The following GNG12 variants were observed in gnomAD, a reference collection of about 807,000 sequenced individuals.
GNG12 encodes the protein G protein subunit gamma 12, also known as guanine nucleotide-binding protein G(I)/G(S)/G(O) subunit gamma-12.
For missense variants in GNG12, 69 were observed against 83.8 expected, an observed-to-expected ratio of 0.82 and a Z score of 0.69; for synonymous variants, 28 against 29.7, an observed-to-expected ratio of 0.94 and a Z score of 0.19.
chr1:67,801,345 A>G (rs1646864460), intron 1 of GNG12, among the ~76,000 whole-genome samples: 1 of 152,344 alleles, frequency 6.6e-6, no homozygotes, highest in African/African-American at 2.4e-5. Context: ...TGAATATATG[A>G]ATGAGGCTCA....
Position 67,804,727 on chromosome 1 carries a change from G to A in GNG12, c.-76-27220C>T, listed in dbSNP as rs140191342. Among the ~76,000 whole-genome samples the A allele has an allele frequency of 4.2e-3, 639 of 151,972 alleles. 8 individuals carry two copies. The highest frequency in any genetic ancestry group is 0.015 in the African/African-American group (608 of 41,446). On this transcript the variant is annotated intron_variant, in intron 1 of 3. Coordinates refer to ENST00000370982, the MANE Select transcript of GNG12 (RefSeq NM_018841.6). ...TAGAAACCTTCAAGCAGAAGCCTGC[G>A]TAGGAACCAGCACCAAGATGGAAAA...
intron 2 of GNG12, among the ~76,000 whole-genome samples, chr1:67,717,377 G>A (rs140469514): frequency 1.0e-3 from 155 of 152,170 alleles, no homozygotes; most frequent in East Asian, 1.9e-3. Flanking sequence ...TCAGCCGGGC[G>A]TGGTGGTGCA....
chr1:67,805,426 C>T (rs143877640), intron 1 of GNG12, among the ~76,000 whole-genome samples: 13 of 152,166 alleles, frequency 8.5e-5, no homozygotes, highest in Middle Eastern at 3.4e-3. Context: ...AAGCTAAGGG[C>T]TTTAATGGAA....
intron 1 of GNG12, among the ~76,000 whole-genome samples, chr1:67,801,782 T>C (rs1646867099): frequency 6.6e-6 from 1 of 152,176 alleles, no homozygotes; most frequent in Non-Finnish European, 1.5e-5. Flanking sequence ...TTACGTTCCG[T>C]ATCTGCAGAA....
At chr1:67,821,258 T>G (rs9633418) in intron 1 of GNG12, among the ~76,000 whole-genome samples, 50,687 of 151,974 alleles carry the variant, frequency 0.33, 8,702 homozygotes, top group Middle Eastern at 0.48. Flanking sequence ...ACCCTATAGG[T>G]GGGCCCGATC....
At chr1:67,794,803 A>G (rs1646820455) in intron 1 of GNG12, among the ~76,000 whole-genome samples, 1 of 152,222 alleles carries the variant, frequency 6.6e-6, no homozygotes, top group Non-Finnish European at 1.5e-5. Context: ...TATTTATATC[A>G]TTTAGCACAG....
intron 2 of GNG12, among the ~76,000 whole-genome samples, chr1:67,771,106 G>A (rs79239954): frequency 2.0e-5 from 3 of 152,216 alleles, no homozygotes; most frequent in African/African-American, 7.2e-5. Context: ...GCCTGATCAA[G>A]TTATTATCAG....
At chr1:67,782,791 T>C (rs537531522) in intron 1 of GNG12, among the ~76,000 whole-genome samples, 35 of 152,290 alleles carry the variant, frequency 2.3e-4, no homozygotes, top group African/African-American at 8.4e-4. Context: ...GAAAGGACAA[T>C]GGCAGTTTTA....
intron 2 of GNG12, among the ~76,000 whole-genome samples, chr1:67,772,292 C>A (rs1377961054): frequency 6.6e-6 from 1 of 152,204 alleles, no homozygotes; most frequent in Non-Finnish European, 1.5e-5. Context: ...GGTCCTCAGG[C>A]CAAGAGCTGC....
At chr1:67,763,924 C>T (rs963381967) in intron 2 of GNG12, among the ~76,000 whole-genome samples, 1 of 152,178 alleles carries the variant, frequency 6.6e-6, no homozygotes, top group Non-Finnish European at 1.5e-5. Flanking sequence ...CCATGTCAGG[C>T]TAACAAGCCT....
At chr1:67,830,876 C>A (rs1647040084) in intron 1 of GNG12, among the ~76,000 whole-genome samples, 1 of 152,294 alleles carries the variant, frequency 6.6e-6, no homozygotes, top group African/African-American at 2.4e-5. Flanking sequence ...CAGTAGCCTG[C>A]TGCTTGAACA....
chr1:67,770,578 AGT>A (rs1374283308), intron 2 of GNG12, among the ~76,000 whole-genome samples: 1 of 151,962 alleles, frequency 6.6e-6, no homozygotes, highest in African/African-American at 2.4e-5. Context: ...CCCCAAAGAG[AGT>A]CCGACTGGAA....
intron 1 of GNG12, among the ~76,000 whole-genome samples, chr1:67,796,578 A>G (rs574251773): frequency 6.6e-6 from 1 of 152,172 alleles, no homozygotes. Context: ...GTAGGCACTC[A>G]ATAAATATGT....
chr1:67,729,480 C>T (rs1394525668), intron 2 of GNG12, among the ~76,000 whole-genome samples: 3 of 152,198 alleles, frequency 2.0e-5, no homozygotes, highest in East Asian at 1.9e-4. Flanking sequence ...TTTGCCCACT[C>T]GCAACCAGAG....
intron 2 of GNG12, among the ~76,000 whole-genome samples, chr1:67,738,097 C>G (rs1646462497): frequency 6.6e-6 from 1 of 152,040 alleles, no homozygotes; most frequent in South Asian, 2.1e-4. Context: ...CCATGTCAGG[C>G]TATTTTTTGT....
At chr1:67,805,831 T>TAA (rs775767498) in intron 1 of GNG12, among the ~76,000 whole-genome samples, 2 of 131,230 alleles carry the variant, frequency 1.5e-5, no homozygotes, top group Non-Finnish European at 1.7e-5. Flanking sequence ...AATAAATACT[T>TAA]AAAAAAAAAA....
intron 1 of GNG12, among the ~76,000 whole-genome samples, chr1:67,784,555 T>C (rs924343689): frequency 6.6e-5 from 10 of 152,102 alleles, no homozygotes; most frequent in Admixed American, 1.3e-4. Context: ...GTAAGATCAT[T>C]AGGATCAACA....
chr1:67,795,128 T>C (rs374012934), intron 1 of GNG12, among the ~76,000 whole-genome samples: 2 of 152,306 alleles, frequency 1.3e-5, no homozygotes, highest in African/African-American at 4.8e-5. Context: ...CTTTTTACTA[T>C]CCCATGCAGC....
At chr1:67,780,836 A>C (rs1373457418) in intron 1 of GNG12, among the ~76,000 whole-genome samples, 1 of 152,308 alleles carries the variant, frequency 6.6e-6, no homozygotes, top group East Asian at 1.9e-4. Context: ...TGCATGTAGA[A>C]CTAAGTAATA....
Sources: allele counts gnomAD v4.1 joint callset (sites outside exome capture counted in the v4.1 genomes callset), GRCh38; gene constraint gnomAD v4.1.1; transcripts MANE v1.5; gene names NCBI Gene and HGNC (gene_info 2026-07-23, HGNC 2026-07-21).